Variants in DNAH11 observed in about 807,000 individuals in gnomAD.
DNAH11 encodes the protein dynein axonemal heavy chain 11.
DNAH11 carries 442 observed loss-of-function variants against 526.0 expected under a neutral mutation model. The ratio of observed to expected loss-of-function variants is 0.84; its 90% CI spans 0.78 to 0.91. The LOEUF (loss-of-function observed/expected upper bound fraction) is 0.91, where lower values mean the gene tolerates loss of function less well. Among genes scored for constraint, DNAH11 ranks in the 40% least tolerant of loss-of-function variants. DNAH11 has a pLI of 0.00. For synonymous variants in DNAH11, 2,461 were observed against 1,935.9 expected (o/e 1.27, Z -7.12); for missense variants, 6,989 against 5,448.7 (o/e 1.28, Z -8.90).
chr7:21,639,118 A>G (rs1390733743), intron 28 of DNAH11, 53 bp downstream of exon 28: 2 of 1,535,468 alleles, frequency 1.3e-6, no homozygotes, highest in Non-Finnish European at 1.8e-6. Flanking sequence ...GAGGAATGTC[A>G]TAGCGTCTCT....
At chr7:21,897,593 A>T (rs545692817) in intron 79 of DNAH11, among the ~76,000 whole-genome samples, 1 of 148,974 alleles carries the variant, frequency 6.7e-6, no homozygotes, top group East Asian at 2.0e-4. Flanking sequence ...TCAAAGGTAT[A>T]ATTTAGGAAA....
intron 76 of DNAH11, among the ~76,000 whole-genome samples, chr7:21,887,265 C>G (rs555293301): frequency 5.3e-5 from 8 of 152,196 alleles, no homozygotes; most frequent in African/African-American, 1.4e-4. Flanking sequence ...AGTTTGCTCT[C>G]AGAGAGAGTT....
intron 68 of DNAH11, among the ~76,000 whole-genome samples, chr7:21,856,811 C>A (rs1782868571): frequency 6.6e-6 from 1 of 151,922 alleles, no homozygotes; most frequent in Non-Finnish European, 1.5e-5. Context: ...CAACTCTCAA[C>A]TAATGAATAG....
chr7:21,704,022 C>T (rs939891995), intron 37 of DNAH11, among the ~76,000 whole-genome samples: 1 of 152,244 alleles, frequency 6.6e-6, no homozygotes. Context: ...CAAGATAGAA[C>T]AACAACAACA....
chr7:21,725,001 G>A (rs920540513), intron 44 of DNAH11, among the ~76,000 whole-genome samples: 1 of 149,794 alleles, frequency 6.7e-6, no homozygotes, highest in African/African-American at 2.4e-5. Flanking sequence ...GTCATCCTGT[G>A]GATATAGAAG....
chr7:21,895,719 A>C (rs770043813), intron 79 of DNAH11, among the ~76,000 whole-genome samples: 1 of 152,054 alleles, frequency 6.6e-6, no homozygotes, highest in South Asian at 2.1e-4. Context: ...ACATTGTAGC[A>C]TGCACACTTT....
chr7:21,793,802 C>T (rs1788582530), intron 61 of DNAH11, among the ~76,000 whole-genome samples: 1 of 152,176 alleles, frequency 6.6e-6, no homozygotes, highest in South Asian at 2.1e-4. Context: ...GTATTTCAGT[C>T]TATCCACTTA....
At chr7:21,589,155 C>G in intron 11 of DNAH11, 53 bp from the exon 12 acceptor site, 1 of 1,347,936 alleles carries the variant, frequency 7.4e-7, no homozygotes, top group Non-Finnish European at 1.0e-6. Flanking sequence ...AATTATTAAG[C>G]GGAAATCTAT....
rs376342066 is a variant in DNAH11, at chr7:21,795,277, C to T, written c.10027-5860C>T. Among the ~76,000 whole-genome samples, 43 of 152,302 alleles carry T rather than the reference C, an allele frequency of 2.8e-4. No homozygotes were observed. The South Asian group carries it at 7.9e-3, about 28-fold the overall frequency. ...GTGTGCGGATCCTAGTACCTAGTAC[C>T]TAGTGGGTACTGACCTTTGCTGTGT... On this transcript the variant is annotated intron_variant, in intron 61 of 81. Coordinates refer to ENST00000409508, the MANE Select transcript of DNAH11 (RefSeq NM_001277115.2).
Position 21,866,178 on chromosome 7 carries a change from C to T in DNAH11, c.11497-292C>T, listed in dbSNP as rs183671632. On this transcript the variant is annotated intron_variant, in intron 70 of 81. Coordinates refer to ENST00000409508, the MANE Select transcript of DNAH11 (RefSeq NM_001277115.2). ...CAAGATGGAGTTGCTGTGGTTCAAA[C>T]GCCTCTGACAGAAGTACCCCCACCT... Among the ~76,000 whole-genome samples the T allele has an allele frequency of 3.9e-3, 599 of 152,254 alleles. 5 individuals are homozygous for T. The highest frequency in any genetic ancestry group is 0.014 in the African/African-American group (563 of 41,524).
chr7:21,600,227 A>G, intron 15 of DNAH11, 108 bp downstream of exon 15: 1 of 978,010 alleles, frequency 1.0e-6, no homozygotes, highest in South Asian at 2.2e-5. Context: ...TGGGAGGCTG[A>G]GGCAAGAGGA....
chr7:21,767,363 T>C (rs1007294383), intron 55 of DNAH11, among the ~76,000 whole-genome samples: 1 of 152,144 alleles, frequency 6.6e-6, no homozygotes, highest in Non-Finnish European at 1.5e-5. Flanking sequence ...CTTTTTACAG[T>C]TTCTTCCCTT....
intron 45 of DNAH11, among the ~76,000 whole-genome samples, chr7:21,726,930 C>T (rs1379533848): frequency 2.2e-4 from 6 of 27,138 alleles, no homozygotes; most frequent in Non-Finnish European, 3.0e-4. Context: ...TCTGCATCCT[C>T]TTTTCTTTTT....
intron 46 of DNAH11, 140 bp downstream of exon 46, chr7:21,735,984 C>T: frequency 1.2e-6 from 1 of 815,732 alleles, no homozygotes; most frequent in East Asian, 2.7e-5. Context: ...TACTTATCAT[C>T]CTTGTTAAAT....
At chr7:21,863,127 C>T (rs1484845077) in intron 69 of DNAH11, among the ~76,000 whole-genome samples, 1 of 151,238 alleles carries the variant, frequency 6.6e-6, no homozygotes, top group Non-Finnish European at 1.5e-5. Flanking sequence ...GAAACCCTTG[C>T]AGACCACATT....
At chr7:21,553,712 T>G (rs548419393) in intron 2 of DNAH11, among the ~76,000 whole-genome samples, 1 of 152,350 alleles carries the variant, frequency 6.6e-6, no homozygotes, top group Admixed American at 6.5e-5. Flanking sequence ...CACCTCTTTC[T>G]TTGTGTCGAA....
At chr7:21,697,527 CT>C (rs1319509444) in intron 35 of DNAH11, among the ~76,000 whole-genome samples, 4 of 152,098 alleles carry the variant, frequency 2.6e-5, no homozygotes, top group African/African-American at 9.7e-5. Context: ...AAACTGGTCA[CT>C]TTATAATTAT....
rs878854438 is a variant in DNAH11 at position 21,892,588 on chromosome 7, C to A, written c.12671C>A (p.Thr4224Asn). The A allele has an allele frequency of 5.0e-6, 8 of 1,614,008 alleles. No homozygotes were observed. In the South Asian group the frequency reaches 8.8e-5, roughly 18 times the overall value. The change falls in exon 77 of 82, where the codon ACT becomes AAT. Residue 4224 changes from threonine to asparagine, a missense_variant. By Grantham distance (65) the Thr-to-Asn change is moderately conservative (BLOSUM62 0). Coordinates refer to ENST00000409508, the MANE Select transcript of DNAH11 (RefSeq NM_001277115.2). ...GAATTCCTGACAGTGACATCCAACA[C>A]TCTCTTCAGAACTTTGCTGGAGATG... ...EIEFLTVTSN[T>N]LFRTLLEMQP...
chr7:21,789,808 T>TCTTTCTTTCTTTCTTTGTTTTTTCTTTC, intron 61 of DNAH11, among the ~76,000 whole-genome samples: 1 of 34,084 alleles, frequency 2.9e-5, no homozygotes, highest in African/African-American at 7.9e-5. Context: ...TTTCTTTCTT[T>TCTTTCTTTCTTTCTTTGTTTTTTCTTTC]TTTCTTTCTT....
Sources: allele counts gnomAD v4.1 joint callset (sites outside exome capture counted in the v4.1 genomes callset), GRCh38; gene constraint gnomAD v4.1.1; transcripts MANE v1.5; gene names NCBI Gene and HGNC (gene_info 2026-07-23, HGNC 2026-07-21).